Variants in PEX7 observed in about 807,000 individuals in gnomAD.
PEX7 encodes the protein PTS2 receptor.
Under a neutral mutation model 47.5 loss-of-function variants are expected in PEX7, and 34 were observed. The ratio of observed to expected loss-of-function variants is 0.72; its 90% CI spans 0.54 to 0.95. PEX7 has a LOEUF of 0.95. Among genes scored for constraint, PEX7 ranks in the 40% least tolerant of loss-of-function variants. PEX7 has a pLI of 0.00. For synonymous variants in PEX7, 141 were observed against 148.8 expected, an observed-to-expected ratio of 0.95 and a Z score of 0.38; for missense variants, 394 against 400.3, an observed-to-expected ratio of 0.98 and a Z score of 0.13.
chr6:136,833,559 T>C (rs1193305943), intron 3 of PEX7, among the ~76,000 whole-genome samples: 1 of 152,226 alleles, frequency 6.6e-6, no homozygotes. Context: ...GAGGAAATAG[T>C]TGGACTTGAT....
In PEX7 at chr6:136,898,133, T is replaced by C. The variant is rs749756070; in HGVS notation, c.804-9T>C. ...CATTTAAATTATTCCCTTTTATTTA[T>C]CTTCACAGATTCTGGAACTTTTCAA... On this transcript the variant is annotated splice_polypyrimidine_tract_variant and intron_variant, in intron 8 of 9. Transcript: ENST00000318471. The C allele has an allele frequency of 4.6e-6, 7 of 1,523,216 alleles. No individual in the cohort carries two copies. In the South Asian group the frequency reaches 7.8e-5, roughly 17 times the overall value. 94.4% of individuals were successfully genotyped at this position (1,523,216 alleles called of 1,614,324 possible). A position where few individuals can be genotyped will look rare whatever the true frequency, so the allele number is the denominator to read the frequency against.
chr6:136,827,063 T>TTTTTACCTTAAATG (rs1301903530), intron 3 of PEX7, among the ~76,000 whole-genome samples: 2 of 152,204 alleles, frequency 1.3e-5, no homozygotes, highest in African/African-American at 4.8e-5. Context: ...TCTTTTTGTG[T>TTTTTACCTTAAATG]TTTTACCTTA....
intron 5 of PEX7, among the ~76,000 whole-genome samples, chr6:136,861,150 T>C (rs1774955798): frequency 1.3e-5 from 2 of 152,276 alleles, no homozygotes; most frequent in Middle Eastern, 3.4e-3. Flanking sequence ...AGCGGCACAG[T>C]CTTGGCTCAT....
chr6:136,884,633 TTC>T (rs200168788), intron 8 of PEX7, among the ~76,000 whole-genome samples: 96,299 of 151,332 alleles, frequency 0.64, 30,720 homozygotes, highest in African/African-American at 0.69. Flanking sequence ...CTATTTGAAA[TTC>T]ATGTTGCTAT....
At chr6:136,911,499 A>G (rs918030350) in intron 9 of PEX7, among the ~76,000 whole-genome samples, 19 of 151,972 alleles carry the variant, frequency 1.3e-4, no homozygotes, top group Admixed American at 9.8e-4. Flanking sequence ...TCTGCCTCCC[A>G]GGTTGAAGCG....
intron 3 of PEX7, among the ~76,000 whole-genome samples, chr6:136,830,940 A>G (rs952318358): frequency 6.6e-6 from 1 of 152,216 alleles, no homozygotes; most frequent in Non-Finnish European, 1.5e-5. Flanking sequence ...ACCTAAGTAT[A>G]CAACTATTAG....
chr6:136,857,705 T>A (rs190577482), intron 5 of PEX7, among the ~76,000 whole-genome samples: 2 of 152,364 alleles, frequency 1.3e-5, no homozygotes, highest in East Asian at 3.9e-4. Context: ...TCATTCCTCA[T>A]TTCTAAAATC....
intron 3 of PEX7, among the ~76,000 whole-genome samples, chr6:136,836,889 T>G (rs1315383045): frequency 6.6e-6 from 1 of 151,654 alleles, no homozygotes; most frequent in African/African-American, 2.4e-5. Flanking sequence ...GGAGGCAGAG[T>G]TTGCAGTGAG....
At chr6:136,883,863 T>G (rs1012006869) in intron 8 of PEX7, among the ~76,000 whole-genome samples, 1 of 152,200 alleles carries the variant, frequency 6.6e-6, no homozygotes, top group African/African-American at 2.4e-5. Flanking sequence ...GAAAAATTGG[T>G]AAACATTTTC....
At chr6:136,826,263 T>A in intron 2 of PEX7, 56 bp from the exon 3 acceptor site, 1 of 1,570,412 alleles carries the variant, frequency 6.4e-7, no homozygotes, top group Non-Finnish European at 8.7e-7. Context: ...TTTTTTGTTG[T>A]GTAGCTGCCT....
At chr6:136,834,034 A>G (rs1318180598) in intron 3 of PEX7, among the ~76,000 whole-genome samples, 1 of 152,224 alleles carries the variant, frequency 6.6e-6, no homozygotes, top group Non-Finnish European at 1.5e-5. Flanking sequence ...AAAAACAACC[A>G]TTCCGTACAA....
intron 9 of PEX7, among the ~76,000 whole-genome samples, chr6:136,909,428 C>T (rs1167635358): frequency 6.6e-6 from 1 of 152,212 alleles, no homozygotes; most frequent in Admixed American, 6.5e-5. Context: ...TCTCTCTACT[C>T]AACAAAATCT....
intron 8 of PEX7, among the ~76,000 whole-genome samples, chr6:136,893,202 C>CT (rs1487406339): frequency 2.0e-5 from 3 of 150,454 alleles, no homozygotes; most frequent in East Asian, 3.9e-4. Context: ...CTTTTTTTTT[C>CT]TTTTTTTAAA....
chr6:136,849,318 A>AT, intron 5 of PEX7, among the ~76,000 whole-genome samples: 1 of 151,916 alleles, frequency 6.6e-6, no homozygotes, highest in African/African-American at 2.4e-5. Context: ...GGATTCATTG[A>AT]TTTTTTTGAA....
At chr6:136,876,489 A>T (rs1775275040) in intron 8 of PEX7, among the ~76,000 whole-genome samples, 1 of 151,950 alleles carries the variant, frequency 6.6e-6, no homozygotes, top group African/African-American at 2.4e-5. Context: ...TCCCTCCTCT[A>T]GTCCCCCACC....
chr6:136,848,685 TC>T (rs756747315), intron 5 of PEX7, among the ~76,000 whole-genome samples: 11 of 152,314 alleles, frequency 7.2e-5, no homozygotes, highest in Non-Finnish European at 1.3e-4. Flanking sequence ...CAGCCTTGCA[TC>T]CCAGGGATGA....
intron 7 of PEX7, among the ~76,000 whole-genome samples, chr6:136,871,331 C>T (rs1056549084): frequency 1.3e-5 from 2 of 152,134 alleles, no homozygotes; most frequent in Non-Finnish European, 2.9e-5. Flanking sequence ...CGTTACTTGT[C>T]TTTAAACTTG....
chr6:136,865,769 C>T (rs2115214378), intron 5 of PEX7, among the ~76,000 whole-genome samples: 2 of 151,734 alleles, frequency 1.3e-5, no homozygotes, highest in Admixed American at 1.3e-4. Flanking sequence ...TAGAGCAAGA[C>T]TCTGTCTCAA....
intron 8 of PEX7, among the ~76,000 whole-genome samples, chr6:136,875,860 T>C (rs1294279425): frequency 2.0e-5 from 3 of 152,200 alleles, no homozygotes; most frequent in Non-Finnish European, 2.9e-5. Context: ...GATATTATGG[T>C]GAATTGAGAC....
Sources: allele counts gnomAD v4.1 joint callset (sites outside exome capture counted in the v4.1 genomes callset), GRCh38; gene constraint gnomAD v4.1.1; transcripts MANE v1.5; gene names NCBI Gene and HGNC (gene_info 2026-07-23, HGNC 2026-07-21).